The following IGSF11 variants were observed in gnomAD, a reference collection of about 807,000 sequenced individuals.
The protein encoded by IGSF11 is CXADR like 1.
Under a neutral mutation model 41.0 loss-of-function variants are expected in IGSF11, and 22 were observed. That is an observed-to-expected ratio of 0.54 (90% CI 0.38 to 0.77). The LOEUF is 0.77. Ranked by LOEUF, IGSF11 falls within the 30% of genes least tolerant of loss-of-function variation. The pLI is 0.00. For synonymous variants in IGSF11, 219 were observed against 201.3 expected (o/e 1.09, Z -0.74); for missense variants, 444 against 530.8 (o/e 0.84, Z 1.61).
intron 1 of IGSF11, among the ~76,000 whole-genome samples, chr3:119,126,871 TC>T (rs2077411795): frequency 6.6e-6 from 1 of 151,898 alleles, no homozygotes; most frequent in South Asian, 2.1e-4. Context: ...AAAAACCCCA[TC>T]CAAGGGTCAG....
At chr3:119,052,296 A>G (rs1041479596) in intron 1 of IGSF11, among the ~76,000 whole-genome samples, 1 of 152,100 alleles carries the variant, frequency 6.6e-6, no homozygotes, top group African/African-American at 2.4e-5. Flanking sequence ...TCTGGCCAAC[A>G]TGGTGAAACT....
At chr3:118,995,215 G>C (rs1576584375) in intron 1 of IGSF11, among the ~76,000 whole-genome samples, 1 of 152,216 alleles carries the variant, frequency 6.6e-6, no homozygotes, top group Non-Finnish European at 1.5e-5. Context: ...TAGAACAAGG[G>C]TTCTCCAGGT....
chr3:119,091,097 G>GA (rs1439904812), intron 1 of IGSF11, among the ~76,000 whole-genome samples: 2 of 152,142 alleles, frequency 1.3e-5, no homozygotes, highest in African/African-American at 4.8e-5. Flanking sequence ...CAAAAAACAT[G>GA]AAAAAATGCT....
chr3:119,105,898 TTTTC>T (rs962704437), upstream of IGSF11, among the ~76,000 whole-genome samples: 1 of 152,286 alleles, frequency 6.6e-6, no homozygotes, highest in African/African-American at 2.4e-5. Flanking sequence ...ATTATACTTC[TTTTC>T]TTTTTTATAC....
At chr3:119,092,608 G>T (rs1233696553) in intron 1 of IGSF11, among the ~76,000 whole-genome samples, 1 of 152,114 alleles carries the variant, frequency 6.6e-6, no homozygotes, top group African/African-American at 2.4e-5. Flanking sequence ...GGGATTACAG[G>T]AATGAGCTAC....
chr3:119,067,839 T>G (rs1211403583), intron 1 of IGSF11, among the ~76,000 whole-genome samples: 1 of 152,204 alleles, frequency 6.6e-6, no homozygotes, highest in African/African-American at 2.4e-5. Context: ...CCTCTCTAGA[T>G]TCTTCCCCCT....
intron 1 of IGSF11, among the ~76,000 whole-genome samples, chr3:119,116,706 A>T (rs1429958632): frequency 6.6e-6 from 1 of 152,220 alleles, no homozygotes; most frequent in African/African-American, 2.4e-5. Flanking sequence ...TAAGGTGCAG[A>T]CATTATTCCA....
chr3:118,939,220 A>AAC (rs907884641), intron 1 of IGSF11, among the ~76,000 whole-genome samples: 9 of 152,234 alleles, frequency 5.9e-5, no homozygotes, highest in Non-Finnish European at 1.3e-4. Flanking sequence ...TTATACAAAG[A>AAC]ACATGAGTTA....
chr3:119,143,697 T>C (rs2077679089), intron 1 of IGSF11, among the ~76,000 whole-genome samples: 2 of 152,150 alleles, frequency 1.3e-5, no homozygotes, highest in South Asian at 4.1e-4. Context: ...TTAAATGTGA[T>C]CCAACTATAT....
chr3:118,910,318 T>C (rs953027231), intron 4 of IGSF11, among the ~76,000 whole-genome samples: 9 of 152,208 alleles, frequency 5.9e-5, no homozygotes, highest in African/African-American at 2.2e-4. Flanking sequence ...GTTAAGATGG[T>C]TACTGTTGAT....
intron 1 of IGSF11, among the ~76,000 whole-genome samples, chr3:118,936,047 G>C (rs147867368): frequency 1.2e-3 from 188 of 152,078 alleles, no homozygotes; most frequent in African/African-American, 4.4e-3. Context: ...GTAATAAAAA[G>C]TTTCTTAGAG....
At chr3:119,110,951 G>A (rs12493314) in intron 1 of IGSF11, among the ~76,000 whole-genome samples, 47,548 of 150,268 alleles carry the variant, frequency 0.32, 7,408 homozygotes, top group Admixed American at 0.36. Context: ...AGTTTCTGCC[G>A]AGAGATCCGC....
At chr3:119,058,125 G>C (rs994863283) in intron 1 of IGSF11, among the ~76,000 whole-genome samples, 4 of 152,104 alleles carry the variant, frequency 2.6e-5, no homozygotes, top group Admixed American at 6.6e-5. Flanking sequence ...TGACAAATGG[G>C]ATCTAATTAA....
chr3:119,088,372 A>T (rs1435658), intron 1 of IGSF11, among the ~76,000 whole-genome samples: 33,580 of 152,060 alleles, frequency 0.22, 4,132 homozygotes, highest in Non-Finnish European at 0.27. Context: ...ATTCCTTGAA[A>T]TTAATGATAA....
chr3:118,956,967 G>T (rs1945005343), intron 1 of IGSF11, among the ~76,000 whole-genome samples: 1 of 152,008 alleles, frequency 6.6e-6, no homozygotes, highest in Non-Finnish European at 1.5e-5. Context: ...TGGGGCAGGG[G>T]GTGGTTTATT....
intron 1 of IGSF11, among the ~76,000 whole-genome samples, chr3:118,954,462 T>C (rs1559954234): frequency 6.6e-6 from 1 of 152,134 alleles, no homozygotes; most frequent in Non-Finnish European, 1.5e-5. Flanking sequence ...AGTGACTTCC[T>C]TGAACCCCTC....
intron 1 of IGSF11, among the ~76,000 whole-genome samples, chr3:118,958,481 T>C (rs1461243141): frequency 6.6e-6 from 1 of 152,204 alleles, no homozygotes; most frequent in Non-Finnish European, 1.5e-5. Context: ...CCAGGAATCT[T>C]ATAGCCATGC....
chr3:119,007,460 G>T (rs578134571), intron 1 of IGSF11, among the ~76,000 whole-genome samples: 75 of 152,080 alleles, frequency 4.9e-4, no homozygotes, highest in African/African-American at 1.8e-3. Flanking sequence ...GACCGGAGCT[G>T]TTCCTATTCG....
chr3:118,957,444 C>A (rs1174115182), intron 1 of IGSF11, among the ~76,000 whole-genome samples: 1 of 152,114 alleles, frequency 6.6e-6, no homozygotes. Context: ...AAATTATTTC[C>A]TCTCATGTGA....
Sources: gnomAD v4.1 joint callset for allele counts (sites outside exome capture counted in the v4.1 genomes callset) on GRCh38, gnomAD v4.1.1 for gene constraint, MANE v1.5 for transcripts, NCBI Gene and HGNC (gene_info 2026-07-23, HGNC 2026-07-21) for gene names.